Variants in ACSL4 observed in about 807,000 individuals in gnomAD.
ACSL4 encodes long-chain-fatty-acid--CoA ligase 4.
In ACSL4, 9 loss-of-function variants were observed where a neutral mutation model predicts 49.1. The ratio of observed to expected loss-of-function variants is 0.18; its 90% CI spans 0.11 to 0.32. The LOEUF is 0.32. Ranked by LOEUF, ACSL4 falls within the 10% of genes least tolerant of loss-of-function variation. The pLI, the probability that ACSL4 is intolerant of heterozygous loss-of-function variation, is 1.00. For synonymous variants in ACSL4, 191 were observed against 170.3 expected (o/e 1.12, Z -0.95); for missense variants, 333 against 493.7 (o/e 0.67, Z 3.08).
chrX:109,644,413 T>G (rs185457060), intron 15 of ACSL4, among the ~76,000 whole-genome samples: 1 of 111,118 alleles, frequency 9.0e-6, no homozygotes, highest in East Asian at 2.8e-4. Context: ...ATTTTATATT[T>G]CTCAAAGTAT....
chrX:109,676,231 G>A (rs1923668214), intron 8 of ACSL4, among the ~76,000 whole-genome samples: 1 of 106,305 alleles, frequency 9.4e-6, no homozygotes, highest in South Asian at 4.2e-4. Flanking sequence ...CTTAATATTT[G>A]TGCACTTTAA....
Position 109,681,362 on chromosome X carries a change from A to G in ACSL4, c.420T>C (p.Tyr140=). ...CTACTGCTTCTTTGCCAAGTGTGGCATATAAAGTCACAACTACATAATAAA... is the reference window on the plus strand; with the variant it reads ...CTACTGCTTCTTTGCCAAGTGTGGCGTATAAAGTCACAACTACATAATAAA... The part of the protein sequence containing the change: ...FKYNFPLVTL[Y]ATLGKEAVVH... The change falls in exon 5 of 16, where the codon TAT becomes TAC. Residue 140 remains tyrosine, a synonymous_variant. Transcript: ENST00000672401. 8.4e-7 allele frequency: 1 copy of G among 1,194,366 alleles called. No homozygotes were observed. The highest frequency in any genetic ancestry group is 1.1e-6 in the Non-Finnish European group (1 of 880,727).
chrX:109,709,547 G>A (rs185571860), intron 1 of ACSL4, among the ~76,000 whole-genome samples: 1 of 112,645 alleles, frequency 8.9e-6, no homozygotes, highest in Admixed American at 9.4e-5. Flanking sequence ...TTCACTTCCT[G>A]TAAGGCCCAC....
chrX:109,701,469 G>A (rs773026392), intron 1 of ACSL4, among the ~76,000 whole-genome samples: 3 of 110,100 alleles, frequency 2.7e-5, no homozygotes, highest in South Asian at 3.9e-4. Flanking sequence ...CACCCACCTC[G>A]GCCTCCCAAA....
chrX:109,690,891 C>T (rs954339261), intron 2 of ACSL4, among the ~76,000 whole-genome samples: 20 of 110,033 alleles, frequency 1.8e-4, no homozygotes, highest in African/African-American at 5.6e-4. Context: ...TCAAACACTC[C>T]GAGATAGGTT....
intron 1 of ACSL4, among the ~76,000 whole-genome samples, chrX:109,705,933 GT>G (rs1926321982): frequency 8.9e-6 from 1 of 112,765 alleles, no homozygotes; most frequent in Non-Finnish European, 1.9e-5. Flanking sequence ...CCGACCTCAG[GT>G]GATCCACCCG....
In ACSL4 at chrX:109,642,408, C is replaced by T. The variant is rs1934470867; in HGVS notation, c.*1621G>A. 6 of 111,502 alleles carry T rather than the reference C, an allele frequency of 5.4e-5. No homozygotes were observed. The South Asian group carries it at 2.2e-3, about 41-fold the overall frequency. The allele number at this position is 111,502 out of a possible 1,213,427, so 9.2% of individuals were successfully genotyped here. The stretch of plus-strand genomic sequence containing the variant: ...TTGCCTAAAATTTTACCTTGCAAAA[C>T]GCTGAACAGAAATCTTTACAAAAAC... On this transcript the variant is annotated 3_prime_UTR_variant, in exon 16 of 16. Coordinates refer to ENST00000672401, the MANE Select transcript of ACSL4 (RefSeq NM_001318510.2).
chrX:109,716,629 C>G (rs1169888358), intron 1 of ACSL4, among the ~76,000 whole-genome samples: 6 of 112,358 alleles, frequency 5.3e-5, no homozygotes, highest in Non-Finnish European at 1.1e-4. Flanking sequence ...CTGTGGAACA[C>G]AGCCAACGGA....
intron 1 of ACSL4, among the ~76,000 whole-genome samples, chrX:109,728,252 C>G (rs1402948508): frequency 8.9e-6 from 1 of 112,405 alleles, no homozygotes; most frequent in Non-Finnish European, 1.9e-5. Context: ...ATACAATGAT[C>G]TTTTATTCAT....
At chrX:109,697,276 C>T (rs1022231237) in intron 1 of ACSL4, among the ~76,000 whole-genome samples, 1 of 111,802 alleles carries the variant, frequency 8.9e-6, no homozygotes, top group African/African-American at 3.3e-5. Context: ...AGAACTGAGG[C>T]TTTATTCCAT....
chrX:109,680,851 T>C, intron 6 of ACSL4, 147 bp downstream of exon 6: 2 of 556,422 alleles, frequency 3.6e-6, no homozygotes, highest in Non-Finnish European at 5.8e-6. Context: ...TAATCATATA[T>C]GGTCTTGATG....
At chrX:109,687,067 C>T (rs1410761813) in intron 2 of ACSL4, among the ~76,000 whole-genome samples, 1 of 111,850 alleles carries the variant, frequency 8.9e-6, no homozygotes, top group Non-Finnish European at 1.9e-5. Context: ...ATTGTCTGAG[C>T]CCTCATCTTA....
At chrX:109,673,219 T>C (rs775806022) in intron 9 of ACSL4, among the ~76,000 whole-genome samples, 1 of 111,737 alleles carries the variant, frequency 8.9e-6, no homozygotes, top group Non-Finnish European at 1.9e-5. Context: ...CAGTCCTAAA[T>C]AGACAGCCAT....
intron 9 of ACSL4, among the ~76,000 whole-genome samples, chrX:109,669,803 T>C (rs1603403114): frequency 8.9e-6 from 1 of 112,858 alleles, no homozygotes; most frequent in African/African-American, 3.2e-5. Flanking sequence ...TCTCAAACAG[T>C]ACCAAAATAC....
intron 15 of ACSL4, among the ~76,000 whole-genome samples, chrX:109,644,899 T>C (rs781161461): frequency 1.8e-5 from 2 of 113,014 alleles, no homozygotes; most frequent in African/African-American, 6.4e-5. Context: ...TTCCCTTTCC[T>C]AGTCAAAGAA....
chrX:109,651,236 A>C (rs922453329), intron 15 of ACSL4, among the ~76,000 whole-genome samples: 11 of 112,084 alleles, frequency 9.8e-5, no homozygotes, highest in African/African-American at 3.6e-4. Flanking sequence ...ATGTTATTTT[A>C]TGTGATTATT....
At chrX:109,715,197 G>A (rs1369949177) in intron 1 of ACSL4, among the ~76,000 whole-genome samples, 1 of 112,144 alleles carries the variant, frequency 8.9e-6, no homozygotes, top group African/African-American at 3.2e-5. Context: ...AAAAGATTTT[G>A]GTAGAAAAAC....
rs946083809 is a variant in ACSL4 at position 109,643,756 on chromosome X, T to C, written c.*273A>G. 2 of 267,146 alleles carry C rather than the reference T, an allele frequency of 7.5e-6. No homozygotes were observed. The highest frequency in any genetic ancestry group is 5.4e-5 in the African/African-American group (2 of 36,815). 22.0% of individuals were successfully genotyped at this position (267,146 alleles called of 1,213,427 possible). A position where few individuals can be genotyped will look rare whatever the true frequency, so the allele number is the denominator to read the frequency against. On this transcript the variant is annotated 3_prime_UTR_variant, in exon 16 of 16. Coordinates refer to ENST00000672401, the MANE Select transcript of ACSL4 (RefSeq NM_001318510.2). ...ATATTTTTCTTTACAAAAACAAGTA[T>C]ATCTTAGGCTAATTTTTAAAAACAG...
chrX:109,730,219 G>A (rs777082323), intron 1 of ACSL4, among the ~76,000 whole-genome samples: 15 of 111,732 alleles, frequency 1.3e-4, no homozygotes, highest in African/African-American at 2.6e-4. Context: ...TAGATAAAGC[G>A]TATTATTTCT....
Sources: gnomAD v4.1 joint callset for allele counts (sites outside exome capture counted in the v4.1 genomes callset) on GRCh38, gnomAD v4.1.1 for gene constraint, MANE v1.5 for transcripts, NCBI Gene and HGNC (gene_info 2026-07-23, HGNC 2026-07-21) for gene names.